Variants in C4orf36 observed in about 807,000 individuals in gnomAD.
The protein encoded by C4orf36 is uncharacterized protein C4orf36.
Under a neutral mutation model 12.2 loss-of-function variants are expected in C4orf36, and 11 were observed. The ratio of observed to expected loss-of-function variants is 0.90; its 90% CI spans 0.57 to 1.49. The LOEUF (loss-of-function observed/expected upper bound fraction) is 1.49, where lower values mean the gene tolerates loss of function less well. Ranked by LOEUF, C4orf36 falls within the 40% of genes most tolerant of loss-of-function variation. The pLI is 0.00. For missense variants in C4orf36, 137 were observed against 133.9 expected, an observed-to-expected ratio of 1.02 and a Z score of -0.11; for synonymous variants, 54 against 51.3, an observed-to-expected ratio of 1.05 and a Z score of -0.22.
chr4:86,887,019 A>G (rs564958579), intron 4 of C4orf36: 2 of 152,106 alleles, frequency 1.3e-5, no homozygotes, highest in Non-Finnish European at 2.9e-5. Context: ...AAGGACAAAA[A>G]ACCAAACACC....
the C4orf36 span, among the ~76,000 whole-genome samples, chr4:86,919,882 A>G: frequency 1.3e-5 from 2 of 152,092 alleles, no homozygotes; most frequent in Non-Finnish European, 2.9e-5. Flanking sequence ...AAAAAATTTA[A>G]AAATTAGCTG....
chr4:86,904,596 A>G, the C4orf36 span, among the ~76,000 whole-genome samples: 1 of 151,690 alleles, frequency 6.6e-6, no homozygotes, highest in Admixed American at 6.6e-5. Context: ...AAAAAAAAAA[A>G]AAAAAAAAAG....
At chr4:86,919,512 A>G in the C4orf36 span, among the ~76,000 whole-genome samples, 1 of 151,402 alleles carries the variant, frequency 6.6e-6, no homozygotes, top group Non-Finnish European at 1.5e-5. Context: ...TTTAGTAGAG[A>G]TGGGGTTTCA....
chr4:86,907,041 AAAAT>A, the C4orf36 span, among the ~76,000 whole-genome samples: 2 of 150,126 alleles, frequency 1.3e-5, no homozygotes, highest in Non-Finnish European at 3.0e-5. Context: ...CTCCATCTCA[AAAAT>A]AAATAAATAA....
the C4orf36 span, among the ~76,000 whole-genome samples, chr4:86,921,229 C>A: frequency 3.0e-4 from 46 of 151,332 alleles, no homozygotes; most frequent in African/African-American, 1.1e-3. Flanking sequence ...CATATCAATG[C>A]CCAAGAAAAA....
At chr4:86,880,419 A>T (rs1403803125) in intron 4 of C4orf36, among the ~76,000 whole-genome samples, 1 of 152,142 alleles carries the variant, frequency 6.6e-6, no homozygotes, top group Admixed American at 6.5e-5. Flanking sequence ...GCGCCACTGC[A>T]CTCCAGCCTG....
At chr4:86,917,633 A>G in the C4orf36 span, among the ~76,000 whole-genome samples, 1 of 149,050 alleles carries the variant, frequency 6.7e-6, no homozygotes, top group Non-Finnish European at 1.5e-5. Context: ...GAAGAGAAAG[A>G]GAAAGGAAGG....
the C4orf36 span, among the ~76,000 whole-genome samples, chr4:86,904,580 C>CAAAAAAAAAAAAA: frequency 1.4e-5 from 1 of 70,458 alleles, no homozygotes; most frequent in Non-Finnish European, 2.7e-5. Context: ...GACTCTGTCT[C>CAAAAAAAAAAAAA]AAAAAAAAAA....
rs535555210 is a variant in C4orf36, at chr4:86,883,504, G to C, written c.*2+4254C>G. 2.3e-4 allele frequency among the ~76,000 whole-genome samples: 35 copies of C among 152,286 alleles called. No individual in the cohort carries two copies. The South Asian group carries it at 5.2e-3, about 23-fold the overall frequency. Reference sequence around the variant, plus strand: ...ATACTCACAGTAATGTCTAACACTAGAGTAATTCTCATTGTGTGCCTGGCA... The same window carrying C: ...ATACTCACAGTAATGTCTAACACTACAGTAATTCTCATTGTGTGCCTGGCA... On this transcript the variant is annotated intron_variant, in intron 4 of 4. Coordinates refer to ENST00000295898, the MANE Select transcript of C4orf36 (RefSeq NM_144645.4).
At chr4:86,887,584 G>A (rs565339429) in intron 4 of C4orf36, 174 bp downstream of exon 4, 2 of 610,636 alleles carry the variant, frequency 3.3e-6, no homozygotes, top group African/African-American at 1.8e-5. Context: ...ACAAGAGTAT[G>A]TCAGGGACTC....
chr4:86,918,978 G>A, the C4orf36 span, among the ~76,000 whole-genome samples: 1 of 152,126 alleles, frequency 6.6e-6, no homozygotes, highest in Non-Finnish European at 1.5e-5. Flanking sequence ...CTCAGAGCCA[G>A]GGAAGCTGAT....
At chr4:86,910,991 G>A in the C4orf36 span, among the ~76,000 whole-genome samples, 1 of 152,324 alleles carries the variant, frequency 6.6e-6, no homozygotes, top group South Asian at 2.1e-4. Context: ...GCTGAGGCAG[G>A]AGGATTGCTT....
intron 4 of C4orf36, among the ~76,000 whole-genome samples, chr4:86,878,383 G>A (rs1052834932): frequency 6.6e-6 from 1 of 152,192 alleles, no homozygotes; most frequent in African/African-American, 2.4e-5. Flanking sequence ...TGATAGCAAT[G>A]TATCAAAAAT....
At chr4:86,914,601 C>T in the C4orf36 span, 43 of 342,636 alleles carry the variant, frequency 1.3e-4, no homozygotes, top group Non-Finnish European at 2.2e-4. Flanking sequence ...TGGGGTTTCA[C>T]CATCTTGGCC....
chr4:86,924,392 G>A, the C4orf36 span, among the ~76,000 whole-genome samples: 1 of 152,164 alleles, frequency 6.6e-6, no homozygotes, highest in Non-Finnish European at 1.5e-5. Context: ...GTACAGATGG[G>A]GTTTCACCAT....
the C4orf36 span, among the ~76,000 whole-genome samples, chr4:86,912,836 A>G: frequency 6.6e-6 from 1 of 152,106 alleles, no homozygotes; most frequent in Non-Finnish European, 1.5e-5. Flanking sequence ...ATCTTAATAT[A>G]TTAAAGACCA....
chr4:86,901,062 A>C, the C4orf36 span, among the ~76,000 whole-genome samples: 1 of 146,054 alleles, frequency 6.8e-6, no homozygotes, highest in Non-Finnish European at 1.5e-5. Context: ...TCGGCTCACC[A>C]CAACCTCTGT....
chr4:86,933,452 A>G, the C4orf36 span: 7 of 152,190 alleles, frequency 4.6e-5, no homozygotes, highest in African/African-American at 7.2e-5. Flanking sequence ...ACAATCTTCA[A>G]TTCCAAAGGC....
chr4:86,910,686 T>C, the C4orf36 span, among the ~76,000 whole-genome samples: 3 of 152,120 alleles, frequency 2.0e-5, no homozygotes, highest in Non-Finnish European at 2.9e-5. Flanking sequence ...ACCAGATTTA[T>C]GCTTAGAAAA....
Sources: gnomAD v4.1 joint callset for allele counts (sites outside exome capture counted in the v4.1 genomes callset) on GRCh38, gnomAD v4.1.1 for gene constraint, MANE v1.5 for transcripts, NCBI Gene and HGNC (gene_info 2026-07-23, HGNC 2026-07-21) for gene names.